The following KIF26B variants were observed in gnomAD, a reference collection of about 807,000 sequenced individuals.
KIF26B encodes kinesin family member 26B.
KIF26B carries 63 observed loss-of-function variants against 151.2 expected under a neutral mutation model. The ratio of observed to expected loss-of-function variants is 0.42; its 90% CI spans 0.34 to 0.51. KIF26B has a LOEUF of 0.51. Among genes scored for constraint, KIF26B ranks in the 20% least tolerant of loss-of-function variants. The pLI, the probability that KIF26B is intolerant of heterozygous loss-of-function variation, is 0.07. For synonymous variants in KIF26B, 1,357 were observed against 1,262.1 expected (o/e 1.08, Z -1.59); for missense variants, 2,813 against 2,913.6 (o/e 0.97, Z 0.79).
At chr1:245,626,723 T>G (rs2043728581) in intron 9 of KIF26B, among the ~76,000 whole-genome samples, 2 of 152,176 alleles carry the variant, frequency 1.3e-5, no homozygotes, top group South Asian at 4.1e-4. Flanking sequence ...GTGCAGAACG[T>G]TTTTAGTTTA....
chr1:245,604,414 C>T (rs2043428347), intron 6 of KIF26B, among the ~76,000 whole-genome samples: 2 of 152,140 alleles, frequency 1.3e-5, no homozygotes, highest in South Asian at 4.2e-4. Context: ...CATGCGGTTT[C>T]CCCAAAGAGT....
At chr1:245,387,687 A>C (rs1405648822) in intron 3 of KIF26B, among the ~76,000 whole-genome samples, 2 of 152,102 alleles carry the variant, frequency 1.3e-5, no homozygotes, top group Non-Finnish European at 2.9e-5. Context: ...GTGAGACCCT[A>C]TCTCAAAAAA....
At position 245,170,094 on chromosome 1, in the gene KIF26B, G is replaced by A. The variant is rs909131025; in HGVS notation, c.465+13411G>A. Among the ~76,000 whole-genome samples the A allele has an allele frequency of 2.6e-5, 4 of 152,274 alleles. No individual in the cohort carries two copies. In the South Asian group the frequency reaches 8.3e-4, roughly 32 times the overall value. On this transcript the variant is annotated intron_variant, in intron 2 of 14. Coordinates refer to ENST00000407071, the MANE Select transcript of KIF26B (RefSeq NM_018012.4). This position sits in a 1 kb window ranked among gnomAD's most constrained non-coding sequence, Gnocchi z 4.4. Reference sequence around the variant, plus strand: ...TGCATAACCAAAACGTCACTGGTGTGAAGGAAGAGGATGATAGAGGATGGG... The same window carrying A: ...TGCATAACCAAAACGTCACTGGTGTAAAGGAAGAGGATGATAGAGGATGGG...
chr1:245,573,840 C>G (rs777376139), intron 5 of KIF26B, among the ~76,000 whole-genome samples: 2 of 152,146 alleles, frequency 1.3e-5, no homozygotes, highest in Non-Finnish European at 2.9e-5. Flanking sequence ...GAGTGGTTAA[C>G]AGGCAGGCAG....
At chr1:245,509,029 T>C (rs1172204014) in intron 4 of KIF26B, among the ~76,000 whole-genome samples, 1 of 152,186 alleles carries the variant, frequency 6.6e-6, no homozygotes, top group Non-Finnish European at 1.5e-5. Context: ...AGATGTTCAG[T>C]TTAAAGACCA....
chr1:245,562,834 C>T (rs1490859241), intron 5 of KIF26B, among the ~76,000 whole-genome samples: 1 of 152,116 alleles, frequency 6.6e-6, no homozygotes, highest in Non-Finnish European at 1.5e-5. Context: ...CCTCAGCCTC[C>T]CGAGTAGCTG....
intron 5 of KIF26B, among the ~76,000 whole-genome samples, chr1:245,591,573 G>T (rs960021650): frequency 6.6e-6 from 1 of 152,286 alleles, no homozygotes. Flanking sequence ...TAGGCCATGT[G>T]CCCTGTAAGT....
At position 245,242,930 on chromosome 1, in the gene KIF26B, A is replaced by G. The variant is rs549957774; in HGVS notation, c.465+86247A>G. ...CTCCCAAAGTGCTGGGATTACAGGC[A>G]TGAGCCACCGCGCCCAGCCATATGT... On this transcript the variant is annotated intron_variant, in intron 2 of 14. Transcript: ENST00000407071. 2.1e-3 allele frequency among the ~76,000 whole-genome samples: 324 copies of G among 152,250 alleles called. 1 individual carries two copies. Among genetic ancestry groups the G allele is most frequent in the Admixed American group, 3.1e-3 (47 of 15,284 alleles).
intron 3 of KIF26B, among the ~76,000 whole-genome samples, chr1:245,384,961 T>G (rs1451937417): frequency 2.0e-5 from 3 of 152,202 alleles, no homozygotes; most frequent in African/African-American, 7.2e-5. Flanking sequence ...CTTTCTTCTT[T>G]TTGCTATTAA....
In KIF26B at chr1:245,514,552, T is replaced by A. The variant is rs543535024; in HGVS notation, c.1167-26215T>A. 2.4e-3 allele frequency among the ~76,000 whole-genome samples: 366 copies of A among 151,658 alleles called. 2 individuals carry two copies. The highest frequency in any genetic ancestry group is 8.0e-3 in the African/African-American group (330 of 41,404). On this transcript the variant is annotated intron_variant, in intron 4 of 14. Coordinates refer to ENST00000407071, the MANE Select transcript of KIF26B (RefSeq NM_018012.4). ...ATCTCAAAAATAATAATAATAATAA[T>A]AAAATAAAAAATAGACATTTATATA...
intron 12 of KIF26B, among the ~76,000 whole-genome samples, chr1:245,690,754 G>C (rs1273191853): frequency 1.3e-5 from 2 of 151,684 alleles, no homozygotes; most frequent in Admixed American, 6.6e-5. Context: ...GGGGGGGTAT[G>C]CTTCAGTCTT....
At chr1:245,423,515 GC>G (rs1658543512) in intron 4 of KIF26B, among the ~76,000 whole-genome samples, 1 of 151,196 alleles carries the variant, frequency 6.6e-6, no homozygotes, top group Non-Finnish European at 1.5e-5. Context: ...ACTGATGATT[GC>G]TTATAAAACA....
chr1:245,356,607 G>A (rs1672706764), intron 2 of KIF26B, among the ~76,000 whole-genome samples: 1 of 151,460 alleles, frequency 6.6e-6, no homozygotes, highest in African/African-American at 2.5e-5. Context: ...GCTATTCAAT[G>A]TGGGAACCTC....
intron 9 of KIF26B, among the ~76,000 whole-genome samples, chr1:245,645,619 C>T (rs1408789613): frequency 6.6e-6 from 1 of 152,210 alleles, no homozygotes; most frequent in African/African-American, 2.4e-5. Flanking sequence ...TTCCCTGTCT[C>T]TGCACCTGGT....
At chr1:245,412,198 G>A (rs1348646905) in intron 3 of KIF26B, among the ~76,000 whole-genome samples, 1 of 152,188 alleles carries the variant, frequency 6.6e-6, no homozygotes, top group Non-Finnish European at 1.5e-5. Context: ...TATTTATCAA[G>A]CACTCACTGT....
At chr1:245,507,035 A>T (rs779487727) in intron 4 of KIF26B, among the ~76,000 whole-genome samples, 7 of 152,122 alleles carry the variant, frequency 4.6e-5, no homozygotes, top group Non-Finnish European at 8.8e-5. Flanking sequence ...AGACTTCCTC[A>T]TACCTCCCAG....
At chr1:245,410,910 A>C (rs1674265317) in intron 3 of KIF26B, among the ~76,000 whole-genome samples, 1 of 145,060 alleles carries the variant, frequency 6.9e-6, no homozygotes, top group African/African-American at 2.5e-5. Flanking sequence ...TGCCCCCGTT[A>C]ACAATAACTC....
At chr1:245,260,915 AG>A (rs1376118243) in intron 2 of KIF26B, among the ~76,000 whole-genome samples, 1 of 152,168 alleles carries the variant, frequency 6.6e-6, no homozygotes, top group Admixed American at 6.5e-5. Flanking sequence ...AGCTCTCTGT[AG>A]ATGCTTATTG....
rs1771493 is a variant in KIF26B, at chr1:245,564,398, G to A, written c.1350+23448G>A. 0.095 allele frequency among the ~76,000 whole-genome samples: 14,006 copies of A among 147,300 alleles called. 1,777 individuals carry two copies. The highest frequency in any genetic ancestry group is 0.28 in the African/African-American group (11,734 of 41,198). On this transcript the variant is annotated intron_variant, in intron 5 of 14. Coordinates refer to ENST00000407071, the MANE Select transcript of KIF26B (RefSeq NM_018012.4). The surrounding 1 kb of genome is among the most constrained non-coding windows in gnomAD (Gnocchi z 4.6). The stretch of plus-strand genomic sequence containing the variant: ...CCGGAGCAGGAACGGGGCCACGGCC[G>A]TGTTTGCATTTTCTGAACCCAGGAT...
Sources: allele counts gnomAD v4.1 joint callset (sites outside exome capture counted in the v4.1 genomes callset), GRCh38; gene constraint gnomAD v4.1.1; non-coding constraint Gnocchi (gnomAD v3.1); transcripts MANE v1.5; gene names NCBI Gene and HGNC (gene_info 2026-07-23, HGNC 2026-07-21).